TMEM120B: variants seen among roughly 807,000 people sequenced by gnomAD.
TMEM120B encodes the protein transmembrane protein 120B.
TMEM120B carries 31 observed loss-of-function variants against 55.5 expected under a neutral mutation model. That is an observed-to-expected ratio of 0.56 (90% confidence interval 0.42 to 0.75). The LOEUF (loss-of-function observed/expected upper bound fraction) is 0.75. Ranked by LOEUF, TMEM120B falls within the 30% of genes least tolerant of loss-of-function variation. The probability of loss-of-function intolerance (pLI) is 0.00; values close to 1 mark genes in which losing one functional copy is unlikely to be tolerated. For synonymous variants in TMEM120B, 203 were observed against 176.3 expected (o/e 1.15, Z -1.20); for missense variants, 399 against 425.5 (o/e 0.94, Z 0.55).
rs570900010 is a variant in TMEM120B at position 121,737,046 on chromosome 12, G to T, written c.70-6583G>T. ...CTTAGTTGCTCCAGGAACTTAGGTG[G>T]AAGCCACAGGGCCTTCCGTGACTTT... On this transcript the variant is annotated intron_variant, in intron 1 of 11. Transcript: ENST00000449592. 2.0e-5 allele frequency among the ~76,000 whole-genome samples: 3 copies of T among 152,234 alleles called. No homozygotes were observed. In the South Asian group the frequency reaches 6.2e-4, roughly 32 times the overall value.
chr12:121,719,598 T>A (rs1361806820), intron 1 of TMEM120B, among the ~76,000 whole-genome samples: 1 of 152,084 alleles, frequency 6.6e-6, no homozygotes, highest in African/African-American at 2.4e-5. Flanking sequence ...AAAATGTTTT[T>A]TTCTTCAAGG....
intron 1 of TMEM120B, among the ~76,000 whole-genome samples, chr12:121,726,058 A>C (rs1330400943): frequency 3.1e-4 from 47 of 151,614 alleles, no homozygotes; most frequent in African/African-American, 1.1e-3. Flanking sequence ...ACAAAAAAAA[A>C]ACCACCTCTG....
At chr12:121,756,421 A>G (rs1403911780) in intron 5 of TMEM120B, among the ~76,000 whole-genome samples, 1 of 152,208 alleles carries the variant, frequency 6.6e-6, no homozygotes, top group Non-Finnish European at 1.5e-5. Flanking sequence ...TTACTTGAAC[A>G]AAAGAGCAAA....
chr12:121,744,531 C>T (rs1328382718), intron 2 of TMEM120B, among the ~76,000 whole-genome samples: 4 of 152,172 alleles, frequency 2.6e-5, no homozygotes. Context: ...GTGTAGTGGC[C>T]ACTAGGCTGC....
At chr12:121,742,301 C>T (rs902929366) in intron 1 of TMEM120B, among the ~76,000 whole-genome samples, 3 of 136,578 alleles carry the variant, frequency 2.2e-5, no homozygotes, top group African/African-American at 7.4e-5. Context: ...CCGTGCCCGG[C>T]CTGACTTAAT....
Position 121,781,165 on chromosome 12 carries a change from G to T in TMEM120B, c.*5443G>T. On this transcript the variant is annotated 3_prime_UTR_variant, in exon 12 of 12. Coordinates refer to ENST00000449592, the MANE Select transcript of TMEM120B (RefSeq NM_001080825.2). ...GAGGTGGGTGTTCTGGTAGGACAGG[G>T]GCCGCAGCCGGTCATAGTCTTCTTG... is the stretch of plus-strand genomic sequence containing the variant. 1 of 1,614,206 alleles carries T rather than the reference G, an allele frequency of 6.2e-7. No individual in the cohort carries two copies. Among genetic ancestry groups the T allele is most frequent in the Non-Finnish European group, 8.5e-7 (1 of 1,180,038 alleles).
chr12:121,750,444 G>T lies in TMEM120B; in HGVS notation c.365+5G>T. The T allele has an allele frequency of 1.2e-6, 2 of 1,610,430 alleles. No individual in the cohort carries two copies. Among genetic ancestry groups the T allele is most frequent in the Non-Finnish European group, 1.7e-6 (2 of 1,178,442 alleles). The stretch of plus-strand genomic sequence containing the variant: ...CCTCCTCAGCAACCAGGCCAAGTAA[G>T]TGTCCCCCACCCACCACCCAGACCC... On this transcript the variant is annotated splice_donor_5th_base_variant and intron_variant, in intron 4 of 11. Transcript: ENST00000449592.
rs1874238012 is a variant in TMEM120B, at chr12:121,776,113, C to T, written c.*391C>T. ...GGGTTGGATTTATGCTGACCTGCTA[C>T]TTACCAGGCCCAGGCTGGGGTGGTG... On this transcript the variant is annotated 3_prime_UTR_variant, in exon 12 of 12. Transcript: ENST00000449592. 1.1e-5 allele frequency: 5 copies of T among 473,260 alleles called. No homozygotes were observed. The highest frequency in any genetic ancestry group is 2.0e-5 in the African/African-American group (1 of 49,922). The allele number at this position is 473,260 out of a possible 1,614,324, so 29.3% of individuals were successfully genotyped here.
At chr12:121,765,317 A>G (rs1164894766) in intron 6 of TMEM120B, among the ~76,000 whole-genome samples, 1 of 151,830 alleles carries the variant, frequency 6.6e-6, no homozygotes, top group African/African-American at 2.4e-5. Flanking sequence ...TTTAGTAGAG[A>G]TGGGGTTTCA....
intron 6 of TMEM120B, among the ~76,000 whole-genome samples, chr12:121,765,323 T>C (rs1873813871): frequency 6.6e-6 from 1 of 151,970 alleles, no homozygotes; most frequent in Non-Finnish European, 1.5e-5. Flanking sequence ...AGAGATGGGG[T>C]TTCACCGTGC....
chr12:121,764,123 G>T (rs958902224), intron 6 of TMEM120B, among the ~76,000 whole-genome samples: 4 of 143,800 alleles, frequency 2.8e-5, no homozygotes, highest in Non-Finnish European at 4.5e-5. Context: ...AGGAGTTCAA[G>T]ACCAGCCTGG....
At chr12:121,741,432 C>T (rs1246778696) in intron 1 of TMEM120B, among the ~76,000 whole-genome samples, 1 of 152,130 alleles carries the variant, frequency 6.6e-6, no homozygotes, top group Non-Finnish European at 1.5e-5. Context: ...CGGGTTCAAG[C>T]GATTCTCCTG....
chr12:121,726,910 A>C (rs1894906430), intron 1 of TMEM120B, among the ~76,000 whole-genome samples: 1 of 50,542 alleles, frequency 2.0e-5, no homozygotes, highest in Admixed American at 1.9e-4. Flanking sequence ...TCTGTCTCAA[A>C]AAAAAAAAAA....
chr12:121,768,482 T>TA (rs1873917073), intron 6 of TMEM120B, among the ~76,000 whole-genome samples: 1 of 152,212 alleles, frequency 6.6e-6, no homozygotes, highest in South Asian at 2.1e-4. Flanking sequence ...GTCTCGTTCT[T>TA]ACGATGTGCG....
At chr12:121,719,298 A>G (rs1044810371) in intron 1 of TMEM120B, among the ~76,000 whole-genome samples, 6 of 151,820 alleles carry the variant, frequency 4.0e-5, no homozygotes, top group African/African-American at 1.5e-4. Context: ...GGGGGCTAAT[A>G]GAAATTGTTG....
At chr12:121,763,952 C>A (rs987669821) in intron 6 of TMEM120B, among the ~76,000 whole-genome samples, 1 of 152,124 alleles carries the variant, frequency 6.6e-6, no homozygotes, top group African/African-American at 2.4e-5. Context: ...GGAGAGCCCC[C>A]CTCCTGCCTG....
intron 5 of TMEM120B, among the ~76,000 whole-genome samples, chr12:121,754,271 G>A (rs1873416298): frequency 6.6e-6 from 1 of 152,198 alleles, no homozygotes; most frequent in Non-Finnish European, 1.5e-5. Context: ...GGTAAAAGTT[G>A]TCAATGTGCA....
At chr12:121,714,974 C>T (rs1894672117) in intron 1 of TMEM120B, among the ~76,000 whole-genome samples, 1 of 152,086 alleles carries the variant, frequency 6.6e-6, no homozygotes, top group Non-Finnish European at 1.5e-5. Flanking sequence ...CTGTGTGAAG[C>T]TTGTGTTGTT....
At chr12:121,741,541 C>G (rs536227468) in intron 1 of TMEM120B, among the ~76,000 whole-genome samples, 1 of 152,202 alleles carries the variant, frequency 6.6e-6, no homozygotes, top group South Asian at 2.1e-4. Context: ...GTTAGTCAGG[C>G]TGGTTTCAAA....
Sources: gnomAD v4.1 joint callset for allele counts (sites outside exome capture counted in the v4.1 genomes callset) on GRCh38, gnomAD v4.1.1 for gene constraint, MANE v1.5 for transcripts, NCBI Gene and HGNC (gene_info 2026-07-23, HGNC 2026-07-21) for gene names.